METTL15: variants seen among roughly 807,000 people sequenced by gnomAD.
The protein encoded by METTL15 is 12S rRNA N(4)-cytidine methyltransferase METTL15.
Under a neutral mutation model 38.3 loss-of-function variants are expected in METTL15, and 34 were observed. The observed-to-expected ratio is 0.89, with a 90% confidence interval of 0.68 to 1.18. METTL15 has a LOEUF of 1.18. Among genes scored for constraint, METTL15 ranks in the 50% most tolerant of loss-of-function variants. The pLI, the probability that METTL15 is intolerant of heterozygous loss-of-function variation, is 0.00. For synonymous variants in METTL15, 162 were observed against 170.9 expected (o/e 0.95, Z 0.41); for missense variants, 438 against 498.4 (o/e 0.88, Z 1.15).
intron 5 of METTL15, among the ~76,000 whole-genome samples, chr11:28,370,044 C>A (rs1286975104): frequency 1.3e-5 from 2 of 152,014 alleles, no homozygotes; most frequent in East Asian, 1.9e-4. Context: ...ATATTCATCA[C>A]CTTAAATATT....
At chr11:28,292,136 C>T (rs1856541876) in intron 5 of METTL15, among the ~76,000 whole-genome samples, 1 of 151,388 alleles carries the variant, frequency 6.6e-6, no homozygotes. Flanking sequence ...TATACATGTG[C>T]CATGGTGGTG....
intron 6 of METTL15, among the ~76,000 whole-genome samples, chr11:28,429,588 A>C: frequency 1.3e-5 from 1 of 74,590 alleles, no homozygotes; most frequent in African/African-American, 5.4e-5. Flanking sequence ...CCAGCCCCTA[A>C]CCGCAAGTGA....
chr11:28,209,498 A>G (rs1852529412), intron 3 of METTL15, among the ~76,000 whole-genome samples: 1 of 152,102 alleles, frequency 6.6e-6, no homozygotes, highest in Admixed American at 6.6e-5. Flanking sequence ...GTAAAAATAT[A>G]TTTAGCCATG....
Position 28,211,165 on chromosome 11 carries a change from ATG to A in METTL15, c.375_376del (p.Ala126IlefsTer3). ...GCCTTGGACAGAGACCCAACAGCTT[ATG>A]CATTAGCTGAACATCTTTCAGAGTT... On this transcript the variant is annotated frameshift_variant, in exon 4 of 7. Transcript: ENST00000407364. LOFTEE classifies it high-confidence loss of function. 6.2e-7 allele frequency: 1 copy of A among 1,611,488 alleles called. No individual in the cohort carries two copies.
In METTL15 at chr11:28,373,013, C is replaced by T. The variant is rs1161369929; in HGVS notation, c.*358+10977C>T. On this transcript the variant is annotated intron_variant and NMD_transcript_variant, in intron 5 of 7. Coordinates refer to the METTL15 transcript ENST00000532947. ...ATGTGCCACATTTTCTTAATCCAGT[C>T]TATCATTATTGGACATTGGGGTTGG... 2.0e-5 allele frequency among the ~76,000 whole-genome samples: 3 copies of T among 152,064 alleles called. No homozygotes were observed. The East Asian group carries it at 5.8e-4, about 29-fold the overall frequency.
intron 6 of METTL15, among the ~76,000 whole-genome samples, chr11:28,315,239 A>T (rs1857438144): frequency 6.6e-6 from 1 of 152,270 alleles, no homozygotes; most frequent in Admixed American, 6.5e-5. Context: ...ACGCTGATTG[A>T]GATATGGATA....
intron 5 of METTL15, among the ~76,000 whole-genome samples, chr11:28,380,663 A>G (rs185514390): frequency 2.6e-3 from 393 of 152,194 alleles, no homozygotes; most frequent in African/African-American, 8.2e-3. Flanking sequence ...TTGCATTGTA[A>G]TTGTGATCAG....
Position 28,332,783 on chromosome 11 carries a change from C to T in METTL15, c.*1942C>T, listed in dbSNP as rs1268799556. 6.6e-6 allele frequency: 1 copy of T among 151,898 alleles called. No individual in the cohort carries two copies. Among genetic ancestry groups the T allele is most frequent in the Non-Finnish European group, 1.5e-5 (1 of 68,068 alleles). 9.4% of individuals were successfully genotyped at this position (151,898 alleles called of 1,614,324 possible). A position where few individuals can be genotyped will look rare whatever the true frequency, so the allele number is the denominator to read the frequency against. On this transcript the variant is annotated 3_prime_UTR_variant, in exon 7 of 7. Coordinates refer to ENST00000407364, the MANE Select transcript of METTL15 (RefSeq NM_001113528.2). The stretch of plus-strand genomic sequence containing the variant: ...CAGCCTGGCCAACATGGCGAAAACC[C>T]ATCTCTACTAAAAATAAAATTAGCC...
In METTL15 at chr11:28,496,637, G is replaced by T. The variant is rs114229601; in HGVS notation, c.*425-29841G>T. Among the ~76,000 whole-genome samples, 569 of 152,256 alleles carry T rather than the reference G, an allele frequency of 3.7e-3. 2 individuals carry two copies. Among genetic ancestry groups the T allele is most frequent in the African/African-American group, 0.013 (558 of 41,548 alleles). On this transcript the variant is annotated intron_variant and NMD_transcript_variant, in intron 6 of 7. Transcript: ENST00000532947. Reference sequence around the variant, plus strand: ...GACTCAGTGAATATTTCAATGTCTTGGTTTGTCTCCTTTCTAGCTTAATAG... The same window carrying T: ...GACTCAGTGAATATTTCAATGTCTTTGTTTGTCTCCTTTCTAGCTTAATAG...
At chr11:28,435,340 T>A (rs1419334570) in intron 6 of METTL15, among the ~76,000 whole-genome samples, 2 of 152,204 alleles carry the variant, frequency 1.3e-5, no homozygotes, top group African/African-American at 4.8e-5. Flanking sequence ...TATATAAGTA[T>A]TCTCATTTAG....
intron 6 of METTL15, among the ~76,000 whole-genome samples, chr11:28,520,794 C>A (rs927578605): frequency 6.6e-6 from 1 of 152,178 alleles, no homozygotes; most frequent in East Asian, 1.9e-4. Flanking sequence ...GCTTTCAAAG[C>A]CCAGTTAAAG....
At chr11:28,420,527 GACC>G (rs1159175408) in intron 5 of METTL15, among the ~76,000 whole-genome samples, 3 of 152,030 alleles carry the variant, frequency 2.0e-5, no homozygotes, top group Non-Finnish European at 4.4e-5. Flanking sequence ...TATCTTCTCT[GACC>G]ACAATGGAAT....
chr11:28,199,936 G>A (rs1272633182), intron 3 of METTL15, among the ~76,000 whole-genome samples: 1 of 151,912 alleles, frequency 6.6e-6, no homozygotes, highest in African/African-American at 2.4e-5. Context: ...TAGAGACGGG[G>A]TTTCACCATG....
intron 4 of METTL15, among the ~76,000 whole-genome samples, chr11:28,260,096 G>A (rs576018760): frequency 1.3e-5 from 2 of 152,198 alleles, no homozygotes; most frequent in South Asian, 4.2e-4. Flanking sequence ...GCCTCAGTTG[G>A]GCTTTGGTAA....
At chr11:28,415,594 G>T (rs556295262) in intron 5 of METTL15, among the ~76,000 whole-genome samples, 2 of 152,290 alleles carry the variant, frequency 1.3e-5, no homozygotes, top group East Asian at 3.9e-4. Context: ...TCCAACCCAT[G>T]CTCTCATTCA....
At chr11:28,306,143 T>C (rs529166805) in intron 6 of METTL15, among the ~76,000 whole-genome samples, 1 of 152,234 alleles carries the variant, frequency 6.6e-6, no homozygotes, top group African/African-American at 2.4e-5. Context: ...TTCCTGATTC[T>C]GGATGAATTT....
At chr11:28,151,968 G>T (rs1850105165) in intron 3 of METTL15, among the ~76,000 whole-genome samples, 2 of 151,922 alleles carry the variant, frequency 1.3e-5, no homozygotes, top group South Asian at 4.1e-4. Flanking sequence ...ATCAAATATA[G>T]TTATTTGCTT....
At chr11:28,315,823 C>A (rs1375270800) in intron 6 of METTL15, among the ~76,000 whole-genome samples, 2 of 152,236 alleles carry the variant, frequency 1.3e-5, no homozygotes, top group Admixed American at 1.3e-4. Context: ...GCTGTTGCTT[C>A]AGGGGGTGGA....
At chr11:28,176,985 A>T (rs188970041) in intron 3 of METTL15, among the ~76,000 whole-genome samples, 1 of 152,086 alleles carries the variant, frequency 6.6e-6, no homozygotes, top group African/African-American at 2.4e-5. Context: ...GCATAAGTTG[A>T]TAAACTTTTT....
Sources: gnomAD v4.1 joint callset for allele counts (sites outside exome capture counted in the v4.1 genomes callset) on GRCh38, gnomAD v4.1.1 for gene constraint, MANE v1.5 for transcripts, NCBI Gene and HGNC (gene_info 2026-07-23, HGNC 2026-07-21) for gene names.